ELP1: variants seen among roughly 807,000 people sequenced by gnomAD.
The protein encoded by ELP1 is elongator acetyltransferase complex subunit 1.
ELP1 carries 131 observed loss-of-function variants against 183.2 expected under a neutral mutation model. That is an observed-to-expected ratio of 0.72 (90% CI 0.62 to 0.83). The LOEUF (loss-of-function observed/expected upper bound fraction) is 0.83, where lower values mean the gene tolerates loss of function less well. ELP1 is among the 40% of genes least tolerant of loss of function. The probability of loss-of-function intolerance (pLI) is 0.00; values close to 1 mark genes in which losing one functional copy is unlikely to be tolerated. For missense variants in ELP1, 1,550 were observed against 1,594.9 expected, an observed-to-expected ratio of 0.97 and a Z score of 0.48; for synonymous variants, 555 against 569.0, an observed-to-expected ratio of 0.98 and a Z score of 0.35.
chr9:108,921,892 T>C (rs1395317812), intron 6 of ELP1, among the ~76,000 whole-genome samples: 2 of 152,268 alleles, frequency 1.3e-5, no homozygotes, highest in African/African-American at 2.4e-5. Context: ...GTGCCTACAC[T>C]GTGCTGATGC....
intron 14 of ELP1, among the ~76,000 whole-genome samples, chr9:108,905,216 A>G (rs1828974858): frequency 6.6e-6 from 1 of 152,214 alleles, no homozygotes; most frequent in African/African-American, 2.4e-5. Flanking sequence ...TATGTAATGT[A>G]TATATATAAA....
chr9:108,895,958 A>G (rs1828528751), intron 25 of ELP1, among the ~76,000 whole-genome samples: 1 of 152,252 alleles, frequency 6.6e-6, no homozygotes, highest in Non-Finnish European at 1.5e-5. Context: ...TCATCTTAAA[A>G]ATAACCATGT....
chr9:108,922,171 T>C (rs1829669414), intron 6 of ELP1, among the ~76,000 whole-genome samples: 1 of 152,212 alleles, frequency 6.6e-6, no homozygotes, highest in South Asian at 2.1e-4. Flanking sequence ...AGGGTAATAC[T>C]TTTCAATTCA....
At chr9:108,911,985 T>C (rs1451820600) in intron 11 of ELP1, among the ~76,000 whole-genome samples, 1 of 152,066 alleles carries the variant, frequency 6.6e-6, no homozygotes, top group Non-Finnish European at 1.5e-5. Flanking sequence ...GTTGTCATCC[T>C]CTCTACCTAG....
intron 26 of ELP1, 89 bp from the exon 27 acceptor site, chr9:108,893,172 A>C: frequency 1.1e-6 from 1 of 897,124 alleles, no homozygotes; most frequent in Non-Finnish European, 1.8e-6. Flanking sequence ...AAACAAAATA[A>C]ATGAGGAACT....
chr9:108,888,494 A>G (rs939544795), intron 29 of ELP1, among the ~76,000 whole-genome samples: 3 of 152,242 alleles, frequency 2.0e-5, no homozygotes, highest in African/African-American at 7.2e-5. Flanking sequence ...AGAAAAAAAG[A>G]TAATGACATC....
intron 8 of ELP1, 30 bp downstream of exon 8, chr9:108,918,781 A>G: frequency 6.5e-7 from 1 of 1,530,248 alleles, no homozygotes; most frequent in Non-Finnish European, 9.1e-7. Flanking sequence ...TGGTTCCAAG[A>G]ATTTCTCTAA....
chr9:108,927,210 T>TAC (rs947723352), intron 4 of ELP1, among the ~76,000 whole-genome samples, 162 bp downstream of exon 4: 4 of 152,206 alleles, frequency 2.6e-5, no homozygotes, highest in Admixed American at 1.3e-4. Flanking sequence ...TATATATATA[T>TAC]ACACACACAC....
intron 28 of ELP1, 138 bp downstream of exon 28, chr9:108,891,065 T>G: frequency 1.2e-6 from 1 of 839,394 alleles, no homozygotes; most frequent in Admixed American, 2.0e-5. Flanking sequence ...CTTTAAAGCA[T>G]TCTAAATTAA....
chr9:108,911,204 G>A, intron 11 of ELP1, 24 bp from the exon 12 acceptor site: 1 of 1,611,162 alleles, frequency 6.2e-7, no homozygotes, highest in Non-Finnish European at 8.5e-7. Flanking sequence ...GAAAGAAGAG[G>A]ATTAGACCTA....
intron 10 of ELP1, among the ~76,000 whole-genome samples, chr9:108,913,094 A>G (rs1829294820): frequency 6.6e-6 from 1 of 152,124 alleles, no homozygotes; most frequent in African/African-American, 2.4e-5. Context: ...TCCAAACTTT[A>G]TGATCACAAT....
intron 15 of ELP1, among the ~76,000 whole-genome samples, chr9:108,903,144 T>A (rs958635206): frequency 6.6e-6 from 1 of 152,268 alleles, no homozygotes; most frequent in South Asian, 2.1e-4. Flanking sequence ...TTGTTACATA[T>A]GTATACATGT....
chr9:108,880,180 T>C lies in ELP1; in HGVS notation c.3347-15A>G, dbSNP rs200154542. ...ATTTTTCTGGGCTGGAGATGCAGAA[T>C]GGAAAATAGTTTGAGCATGAGGTTT... On this transcript the variant is annotated splice_polypyrimidine_tract_variant and intron_variant, in intron 31 of 36. Coordinates refer to ENST00000374647, the MANE Select transcript of ELP1 (RefSeq NM_003640.5). The C allele has an allele frequency of 8.1e-4, 1,237 of 1,527,874 alleles. 3 individuals carry two copies. Among genetic ancestry groups the C allele is most frequent in the Middle Eastern group, 6.2e-3 (37 of 5,924 alleles). 94.6% of individuals were successfully genotyped at this position (1,527,874 alleles called of 1,614,324 possible). A position where few individuals can be genotyped will look rare whatever the true frequency, so the allele number is the denominator to read the frequency against.
intron 32 of ELP1, 41 bp from the exon 33 acceptor site, chr9:108,879,598 C>T: frequency 7.1e-7 from 1 of 1,407,412 alleles, no homozygotes; most frequent in Non-Finnish European, 1.0e-6. Flanking sequence ...ACACTGCCTG[C>T]TAATGTGTGG....
chr9:108,933,486 C>A (rs1425148289), intron 1 of ELP1, among the ~76,000 whole-genome samples: 1 of 152,230 alleles, frequency 6.6e-6, no homozygotes, highest in Admixed American at 6.5e-5. Context: ...ACAGAGGACA[C>A]CACCTCCACG....
At position 108,896,526 on chromosome 9, in the gene ELP1, C is replaced by T. The variant is rs1256405065; in HGVS notation, c.2706G>A (p.Leu902=). 1 of 1,614,048 alleles carries T rather than the reference C, an allele frequency of 6.2e-7. No individual in the cohort carries two copies. Among genetic ancestry groups the T allele is most frequent in the East Asian group, 2.2e-5 (1 of 44,864 alleles). The change falls in exon 25 of 37, where the codon TTG becomes TTA. Residue 902 remains leucine (L), a synonymous_variant. Coordinates refer to ENST00000374647, the MANE Select transcript of ELP1 (RefSeq NM_003640.5). ...GTGACTTCTCAGCTACCATGAGGAC[C>T]AAATCAAAGTCATAGGTGCCAAGAG... is the stretch of plus-strand genomic sequence containing the variant. ...DHSLGTYDFD[L]VLMVAEKSQK...
chr9:108,889,733 T>C (rs897661231), intron 28 of ELP1: 1 of 374,058 alleles, frequency 2.7e-6, no homozygotes, highest in Non-Finnish European at 5.1e-6. Context: ...AGCTGACTTA[T>C]GTTTGAGTCA....
At chr9:108,875,616 G>C (rs1470488284) in intron 35 of ELP1, 1 of 316,458 alleles carries the variant, frequency 3.2e-6, no homozygotes, top group African/African-American at 2.2e-5. Context: ...CTTAATGTGG[G>C]AGGCATGGTG....
chr9:108,869,399 A>G (rs1453824953), intron 36 of ELP1, among the ~76,000 whole-genome samples: 1 of 152,178 alleles, frequency 6.6e-6, no homozygotes, highest in Non-Finnish European at 1.5e-5. Flanking sequence ...TTTCAACCTC[A>G]GGCATGCTCA....
Sources: allele counts gnomAD v4.1 joint callset (sites outside exome capture counted in the v4.1 genomes callset), GRCh38; gene constraint gnomAD v4.1.1; transcripts MANE v1.5; gene names NCBI Gene and HGNC (gene_info 2026-07-23, HGNC 2026-07-21).